Variants in HS3ST5 observed in about 807,000 individuals in gnomAD.
HS3ST5 encodes heparan sulfate glucosamine 3-O-sulfotransferase 5.
A neutral mutation model predicts 25.4 loss-of-function variants in HS3ST5; 10 were observed. The ratio of observed to expected loss-of-function variants is 0.39; its 90% CI spans 0.24 to 0.67. HS3ST5 has a LOEUF of 0.67. Among genes scored for constraint, HS3ST5 ranks in the 30% least tolerant of loss-of-function variants. The probability of loss-of-function intolerance (pLI) is 0.44; values close to 1 mark genes in which losing one functional copy is unlikely to be tolerated. For synonymous variants in HS3ST5, 170 were observed against 162.4 expected (o/e 1.05, Z -0.36); for missense variants, 324 against 420.7 (o/e 0.77, Z 2.01).
At chr6:114,150,122 C>T (rs1411251550) in intron 3 of HS3ST5, among the ~76,000 whole-genome samples, 2 of 152,204 alleles carry the variant, frequency 1.3e-5, no homozygotes, top group Non-Finnish European at 2.9e-5. Flanking sequence ...AATATTCTTA[C>T]TGAAAACTAG....
At chr6:114,090,058 CA>C (rs1208466504) in intron 3 of HS3ST5, among the ~76,000 whole-genome samples, 5 of 152,124 alleles carry the variant, frequency 3.3e-5, no homozygotes, top group Admixed American at 3.3e-4. Context: ...AACCCTCTGC[CA>C]AAGATAAGGA....
At chr6:114,082,325 G>C (rs1668315937) in intron 3 of HS3ST5, among the ~76,000 whole-genome samples, 1 of 152,152 alleles carries the variant, frequency 6.6e-6, no homozygotes, top group African/African-American at 2.4e-5. Context: ...GGTTTTAAAA[G>C]AGTTAAGTTA....
At chr6:114,084,107 CTGA>C in intron 3 of HS3ST5, 1 of 408,412 alleles carries the variant, frequency 2.4e-6, no homozygotes, top group South Asian at 3.5e-5. Flanking sequence ...TTTTTAGAAA[CTGA>C]TGTTTATTTC....
rs1227913631 is a variant in HS3ST5 at position 114,133,694 on chromosome 6, C to T, written c.-33+34657G>A. On this transcript the variant is annotated intron_variant, in intron 3 of 4. Coordinates refer to ENST00000312719, the MANE Select transcript of HS3ST5 (RefSeq NM_153612.4). ...GAAAAATAATGCATTTTAAGATGCT[C>T]ATTTGTAGTGGGGGCAAGAGCTACA... is the stretch of plus-strand genomic sequence containing the variant. 5.9e-5 allele frequency among the ~76,000 whole-genome samples: 9 copies of T among 152,266 alleles called. No homozygotes were observed. In the South Asian group the frequency reaches 8.3e-4, roughly 14 times the overall value.
intron 2 of HS3ST5, among the ~76,000 whole-genome samples, chr6:114,193,717 A>G (rs1780611920): frequency 6.6e-6 from 1 of 152,206 alleles, no homozygotes. Context: ...TATCAGTATT[A>G]TTATCCCCCA....
intron 1 of HS3ST5, among the ~76,000 whole-genome samples, chr6:114,312,866 T>C (rs534743882): frequency 1.3e-5 from 2 of 150,886 alleles, no homozygotes; most frequent in Non-Finnish European, 3.0e-5. Context: ...CCATTTCTAT[T>C]AAAAAATACA....
At chr6:114,177,320 T>C (rs1350966330) in intron 2 of HS3ST5, among the ~76,000 whole-genome samples, 2 of 152,184 alleles carry the variant, frequency 1.3e-5, no homozygotes, top group African/African-American at 4.8e-5. Flanking sequence ...AAATTCAGTA[T>C]ATTTCAGACT....
intron 3 of HS3ST5, among the ~76,000 whole-genome samples, chr6:114,133,750 A>G (rs1777460749): frequency 6.6e-6 from 1 of 152,224 alleles, no homozygotes; most frequent in Non-Finnish European, 1.5e-5. Context: ...TGGTAAATGC[A>G]GAGTTAGAAA....
chr6:114,341,444 G>A (rs996376757), intron 1 of HS3ST5, among the ~76,000 whole-genome samples: 13 of 152,152 alleles, frequency 8.5e-5, no homozygotes, highest in African/African-American at 2.9e-4. Flanking sequence ...TCCACCTTAA[G>A]CTGGACGCTC....
At chr6:114,144,289 C>A (rs967393777) in intron 3 of HS3ST5, among the ~76,000 whole-genome samples, 1 of 152,160 alleles carries the variant, frequency 6.6e-6, no homozygotes, top group Non-Finnish European at 1.5e-5. Context: ...TTCTCATCAC[C>A]TTTGGATGAC....
At chr6:114,257,138 T>C (rs1420524929) in intron 1 of HS3ST5, among the ~76,000 whole-genome samples, 1 of 152,114 alleles carries the variant, frequency 6.6e-6, no homozygotes, top group East Asian at 1.9e-4. Flanking sequence ...TCCCACAACA[T>C]GTGGGAATTA....
chr6:114,255,628 G>A (rs781140067), intron 1 of HS3ST5, among the ~76,000 whole-genome samples: 7 of 152,112 alleles, frequency 4.6e-5, no homozygotes, highest in Admixed American at 2.0e-4. Context: ...ATTTACATAC[G>A]TCCTCTGAAA....
At position 114,250,163 on chromosome 6, in the gene HS3ST5, T is replaced by C. The variant is rs73542320; in HGVS notation, c.-338-21385A>G. On this transcript the variant is annotated intron_variant, in intron 1 of 4. Transcript: ENST00000312719. ...TTTTTATAAACCAATTATCCCATGA[T>C]GGTGAAATGGGATGGGAGGAAATTG... 8.2e-3 allele frequency among the ~76,000 whole-genome samples: 1,245 copies of C among 152,298 alleles called. 16 individuals are homozygous for C. The highest frequency in any genetic ancestry group is 0.029 in the African/African-American group (1,186 of 41,552).
chr6:114,135,434 G>T (rs1455736969), intron 3 of HS3ST5, among the ~76,000 whole-genome samples: 1 of 152,192 alleles, frequency 6.6e-6, no homozygotes, highest in East Asian at 1.9e-4. Flanking sequence ...GGTAGATGAG[G>T]ATGTGAATGG....
At chr6:114,067,726 A>T (rs1582560165) in intron 3 of HS3ST5, among the ~76,000 whole-genome samples, 1 of 152,126 alleles carries the variant, frequency 6.6e-6, no homozygotes, top group African/African-American at 2.4e-5. Context: ...CAGGCCCGGT[A>T]CGCATTCCAA....
chr6:114,057,225 G>T lies in HS3ST5; in HGVS notation c.*32C>A. ...TACAGGAGACATTGTGTGTCTCCAG[G>T]CACAACACATAGTGTTGTATGACAT... On this transcript the variant is annotated 3_prime_UTR_variant, in exon 5 of 5. Coordinates refer to ENST00000312719, the MANE Select transcript of HS3ST5 (RefSeq NM_153612.4). 7.0e-7 allele frequency: 1 copy of T among 1,430,804 alleles called. No individual in the cohort carries two copies. The highest frequency in any genetic ancestry group is 9.7e-7 in the Non-Finnish European group (1 of 1,026,936). 88.6% of individuals were successfully genotyped at this position (1,430,804 alleles called of 1,614,324 possible). A position where few individuals can be genotyped will look rare whatever the true frequency, so the allele number is the denominator to read the frequency against.
chr6:114,088,114 G>A (rs912500667), intron 3 of HS3ST5, among the ~76,000 whole-genome samples: 10 of 152,086 alleles, frequency 6.6e-5, no homozygotes, highest in South Asian at 2.1e-4. Flanking sequence ...TTAATTTCCC[G>A]TTTCTTTTTA....
rs144333146 is a variant in HS3ST5, at chr6:114,058,147, G to C, written c.151C>G (p.Arg51Gly). Residue 51 changes from arginine to glycine, a missense_variant, in exon 5 of 5, where the codon CGC becomes GGC. Physicochemically the swap from Arg to Gly is moderately radical, Grantham distance 125. This residue lies in a region of HS3ST5 where 121 missense variants were observed against 117.3 expected (regional missense o/e 1.03). Coordinates refer to ENST00000312719, the MANE Select transcript of HS3ST5 (RefSeq NM_153612.4). ...CGAAGTGGGAATTCAGCCTGAGTGCGGGCTCCACCCAGTCGACCTTCAATG... is the reference window on the plus strand; with the variant it reads ...CGAAGTGGGAATTCAGCCTGAGTGCCGGCTCCACCCAGTCGACCTTCAATG... ...CPIEGRLGGA[R>G]TQAEFPLRAL... is the part of the protein sequence containing the mutation. 6.2e-7 allele frequency: 1 copy of C among 1,611,826 alleles called. No individual in the cohort carries two copies. The highest frequency in any genetic ancestry group is 8.5e-7 in the Non-Finnish European group (1 of 1,178,284).
At chr6:114,227,749 C>T (rs957176030) in intron 2 of HS3ST5, among the ~76,000 whole-genome samples, 1 of 152,010 alleles carries the variant, frequency 6.6e-6, no homozygotes, top group Non-Finnish European at 1.5e-5. Context: ...AAATACTTCA[C>T]CAAACCTAGT....
Sources: allele counts gnomAD v4.1 joint callset (sites outside exome capture counted in the v4.1 genomes callset), GRCh38; gene constraint gnomAD v4.1.1; regional missense constraint gnomAD v4.1.1; transcripts MANE v1.5; gene names NCBI Gene and HGNC (gene_info 2026-07-23, HGNC 2026-07-21).